Variants in FRRS1 observed in about 807,000 individuals in gnomAD.
The protein encoded by FRRS1 is ferric reductase 1.
In FRRS1, 51 loss-of-function variants were observed where a neutral mutation model predicts 70.7. The observed-to-expected ratio is 0.72, with a 90% CI of 0.58 to 0.91. The LOEUF (loss-of-function observed/expected upper bound fraction) is 0.91. FRRS1 is among the 40% of genes least tolerant of loss of function. The pLI is 0.00. For synonymous variants in FRRS1, 225 were observed against 238.7 expected (o/e 0.94, Z 0.53); for missense variants, 672 against 726.0 (o/e 0.93, Z 0.86).
In FRRS1 at chr1:99,738,180, A is replaced by G. The variant is rs755879403; in HGVS notation, c.665T>C (p.Leu222Ser). The G allele has an allele frequency of 6.2e-7, 1 of 1,613,950 alleles. No individual in the cohort carries two copies. The highest frequency in any genetic ancestry group is 8.5e-7 in the Non-Finnish European group (1 of 1,179,794). ...DPEKEASCVFLSFTRDDQSVM... is the reference protein window; with the variant it reads ...DPEKEASCVFSSFTRDDQSVM... ...CGATTGGTCATCTCTTGTGAAGGAC[A>G]AGAAGACACAGGAAGCCTCCTTCTC... is the stretch of plus-strand genomic sequence containing the variant. The change falls in exon 7 of 17, where the codon TTG (leucine) becomes TCG (serine). Residue 222 changes from leucine to serine, a missense_variant. Coordinates refer to ENST00000646001, the MANE Select transcript of FRRS1 (RefSeq NM_001361041.2).
chr1:99,757,975 A>T (rs1385552920), intron 1 of FRRS1, among the ~76,000 whole-genome samples: 1 of 151,038 alleles, frequency 6.6e-6, no homozygotes, highest in African/African-American at 2.4e-5. Flanking sequence ...ACAGAATCAC[A>T]AAAACAGTCT....
intron 1 of FRRS1, among the ~76,000 whole-genome samples, chr1:99,762,095 T>C (rs1364638628): frequency 6.6e-6 from 1 of 152,170 alleles, no homozygotes; most frequent in African/African-American, 2.4e-5. Flanking sequence ...AAACTATCCA[T>C]AGCTTCAAAT....
In FRRS1 at chr1:99,704,910, AGC is replaced by A. The variant is rs1653992474; in HGVS notation, c.*4116_*4117del. ...CCTTCTGGCTCCCCCATCTGCTGAG[AGC>A]TACTTCTACTCAGTAAAACCTTGCA... is the stretch of plus-strand genomic sequence containing the variant. On this transcript the variant is annotated 3_prime_UTR_variant, in exon 17 of 17. Transcript: ENST00000646001. 6.6e-6 allele frequency among the ~76,000 whole-genome samples: 1 copy of A among 152,116 alleles called. No individual in the cohort carries two copies. Among genetic ancestry groups the A allele is most frequent in the Non-Finnish European group, 1.5e-5 (1 of 68,012 alleles).
chr1:99,729,895 T>C (rs1022938427), intron 7 of FRRS1, 147 bp from the exon 8 acceptor site: 36 of 603,292 alleles, frequency 6.0e-5, no homozygotes, highest in Non-Finnish European at 5.4e-5. Context: ...CTATGAATTC[T>C]AGAGAACTGG....
intron 1 of FRRS1, among the ~76,000 whole-genome samples, chr1:99,754,630 A>G (rs1656745746): frequency 6.6e-6 from 1 of 152,248 alleles, no homozygotes; most frequent in African/African-American, 2.4e-5. Context: ...TCATCCAACA[A>G]CAGAATACAC....
rs376061534 is a variant in FRRS1, at chr1:99,728,649, A to G, written c.859-9T>C. Reference sequence around the variant, plus strand: ...ATATCCTCAAGGGTATCCTACAAACACACACAATGGGTCTTCTCAGCACTT... The same window carrying G: ...ATATCCTCAAGGGTATCCTACAAACGCACACAATGGGTCTTCTCAGCACTT... On this transcript the variant is annotated splice_polypyrimidine_tract_variant and intron_variant, in intron 8 of 16. Coordinates refer to ENST00000646001, the MANE Select transcript of FRRS1 (RefSeq NM_001361041.2). The G allele has an allele frequency of 9.9e-6, 16 of 1,612,040 alleles. No individual in the cohort carries two copies. Among genetic ancestry groups the G allele is most frequent in the Non-Finnish European group, 1.4e-5 (16 of 1,178,770 alleles).
intron 9 of FRRS1, among the ~76,000 whole-genome samples, chr1:99,720,140 T>C (rs913404400): frequency 3.9e-5 from 6 of 152,170 alleles, no homozygotes; most frequent in Non-Finnish European, 5.9e-5. Flanking sequence ...TTATGATACA[T>C]TATTTCACAC....
intron 1 of FRRS1, among the ~76,000 whole-genome samples, chr1:99,750,305 C>T (rs1242011179): frequency 2.0e-5 from 3 of 152,190 alleles, no homozygotes; most frequent in Non-Finnish European, 4.4e-5. Context: ...CTATTTACAG[C>T]AGTTCCTTTT....
intron 9 of FRRS1, among the ~76,000 whole-genome samples, chr1:99,723,018 T>C (rs537238634): frequency 4.6e-5 from 7 of 152,312 alleles, no homozygotes; most frequent in African/African-American, 1.4e-4. Flanking sequence ...AGAAAACGTA[T>C]GAAAAACAAT....
At chr1:99,716,268 A>G (rs1654521431) in intron 11 of FRRS1, among the ~76,000 whole-genome samples, 1 of 152,208 alleles carries the variant, frequency 6.6e-6, no homozygotes, top group Non-Finnish European at 1.5e-5. Context: ...GTATGGATGG[A>G]TGGCTGGATG....
At chr1:99,738,533 G>A (rs6658891) in intron 6 of FRRS1, among the ~76,000 whole-genome samples, 75,113 of 151,972 alleles carry the variant, frequency 0.49, 22,556 homozygotes, top group African/African-American at 0.85. Flanking sequence ...ATTGTGCAAG[G>A]GTATTAAAGC....
At chr1:99,741,505 T>G (rs1389633278) in intron 5 of FRRS1, among the ~76,000 whole-genome samples, 1 of 152,220 alleles carries the variant, frequency 6.6e-6, no homozygotes, top group Non-Finnish European at 1.5e-5. Context: ...TATGTCCATA[T>G]CACCCCTCAG....
At chr1:99,756,723 G>GA (rs1656853815) in intron 1 of FRRS1, among the ~76,000 whole-genome samples, 1 of 152,014 alleles carries the variant, frequency 6.6e-6, no homozygotes, top group Non-Finnish European at 1.5e-5. Flanking sequence ...GTGAGAATAA[G>GA]AAAAAAGAAG....
chr1:99,742,330 G>C (rs1166082226), intron 4 of FRRS1, 57 bp from the exon 5 acceptor site: 1 of 1,033,674 alleles, frequency 9.7e-7, no homozygotes, highest in Non-Finnish European at 1.5e-6. Flanking sequence ...AGCATGGCTG[G>C]AACTTCTATC....
chr1:99,753,443 G>A, intron 1 of FRRS1, among the ~76,000 whole-genome samples: 1 of 151,378 alleles, frequency 6.6e-6, no homozygotes. Flanking sequence ...CACACTATCT[G>A]CAAAGCACAA....
At chr1:99,713,212 AAACTGAGGGTCATAGTTAAAT>A (rs1446907973) in intron 12 of FRRS1, among the ~76,000 whole-genome samples, 1 of 152,240 alleles carries the variant, frequency 6.6e-6, no homozygotes, top group African/African-American at 2.4e-5. Context: ...ACAGGTGAGT[AAACTGAGGGTCATAGTTAAAT>A]AACTTGCTCA....
At chr1:99,741,089 C>G (rs1655938298) in intron 5 of FRRS1, 149 bp from the exon 6 acceptor site, 6 of 690,734 alleles carry the variant, frequency 8.7e-6, no homozygotes, top group Non-Finnish European at 1.5e-5. Flanking sequence ...AGGCAAATCT[C>G]TAACCACTCT....
chr1:99,737,061 G>A (rs1350126657), intron 7 of FRRS1, among the ~76,000 whole-genome samples: 5 of 151,860 alleles, frequency 3.3e-5, no homozygotes, highest in African/African-American at 9.7e-5. Context: ...GTGCTAATAA[G>A]GGGCTTTCTC....
At chr1:99,762,480 T>TG (rs1657157777) in intron 1 of FRRS1, among the ~76,000 whole-genome samples, 1 of 92,558 alleles carries the variant, frequency 1.1e-5, no homozygotes, top group Non-Finnish European at 2.5e-5. Context: ...TTTTTTTCCC[T>TG]TTTTTTTTTT....
Sources: gnomAD v4.1 joint callset for allele counts (sites outside exome capture counted in the v4.1 genomes callset) on GRCh38, gnomAD v4.1.1 for gene constraint, MANE v1.5 for transcripts, NCBI Gene and HGNC (gene_info 2026-07-23, HGNC 2026-07-21) for gene names.